PPL: variants seen among roughly 807,000 people sequenced by gnomAD.
PPL encodes periplakin.
In PPL, 198 loss-of-function variants were observed where a neutral mutation model predicts 194.4. The observed-to-expected ratio is 1.02, with a 90% CI of 0.91 to 1.15. PPL has a LOEUF of 1.15. Ranked by LOEUF, PPL falls within the 50% of genes most tolerant of loss-of-function variation. The probability of loss-of-function intolerance (pLI) is 0.00; values close to 1 mark genes in which losing one functional copy is unlikely to be tolerated. For synonymous variants in PPL, 1,220 were observed against 972.4 expected, an observed-to-expected ratio of 1.25 and a Z score of -4.74; for missense variants, 2,885 against 2,294.8, an observed-to-expected ratio of 1.26 and a Z score of -5.25.
In PPL at chr16:4,882,900, C is replaced by T. The variant is rs1013955563; in HGVS notation, c.*484G>A. On this transcript the variant is annotated 3_prime_UTR_variant, in exon 22 of 22. Transcript: ENST00000345988. ...CAGAGTAACTACTGAGGAGGCTTCT[C>T]GGATGGAAAGTTGGTTTTAAGCCAG... The T allele has an allele frequency of 1.1e-4, 19 of 177,310 alleles. No homozygotes were observed. The highest frequency in any genetic ancestry group is 2.0e-4 in the Non-Finnish European group (17 of 84,824). The allele number at this position is 177,310 out of a possible 1,614,324, so 11.0% of individuals were successfully genotyped here.
intron 1 of PPL, among the ~76,000 whole-genome samples, chr16:4,920,349 AAGAAAGAAAGAAAGAAAGAAAG>A (rs2089021560): frequency 2.2e-5 from 1 of 46,082 alleles, no homozygotes; most frequent in Admixed American, 2.3e-4. Context: ...GAGAGAGAGA[AAGAAAGAAAGAAAGAAAGAAAG>A]GACACCTCGG....
intron 1 of PPL, among the ~76,000 whole-genome samples, chr16:4,934,527 T>G (rs1157687874): frequency 6.6e-6 from 1 of 152,038 alleles, no homozygotes; most frequent in African/African-American, 2.4e-5. Flanking sequence ...AAACAAGGCT[T>G]CGAGAGGCTC....
intron 1 of PPL, among the ~76,000 whole-genome samples, chr16:4,931,268 G>A (rs2089221864): frequency 6.6e-6 from 1 of 152,126 alleles, no homozygotes; most frequent in Admixed American, 6.5e-5. Context: ...GGAGGCTGAG[G>A]CATGAGGATT....
rs141531762 is a variant in PPL, at chr16:4,892,130, T to C, written c.1734A>G (p.Pro578=). ...AEGEAFIQAL[P]GSGTTPLLRT... ...TCAGCAGGGGTGTGGTGCCACTGCC[T>C]GGGAGGGCCTGGATGAAGGCTTCGC... The change falls in exon 15 of 22, where the codon CCA becomes CCG. Residue 578 remains proline (P), a synonymous_variant. Transcript: ENST00000345988. The C allele has an allele frequency of 2.2e-5, 35 of 1,613,664 alleles. No homozygotes were observed. In the South Asian group the frequency reaches 3.8e-4, roughly 18 times the overall value.
intron 13 of PPL, 81 bp from the exon 14 acceptor site, chr16:4,893,451 C>T (rs2088358854): frequency 6.3e-7 from 1 of 1,587,670 alleles, no homozygotes; most frequent in African/African-American, 1.3e-5. Context: ...GGCAGCCAGC[C>T]CCCCGCCGTC....
chr16:4,920,816 T>A (rs897593503), intron 1 of PPL, among the ~76,000 whole-genome samples: 4 of 152,194 alleles, frequency 2.6e-5, no homozygotes, highest in African/African-American at 9.6e-5. Flanking sequence ...TTGCCCAGGC[T>A]GGTCTTAAAC....
chr16:4,900,474 C>G (rs949694776), intron 6 of PPL, among the ~76,000 whole-genome samples: 4 of 92,256 alleles, frequency 4.3e-5, no homozygotes, highest in Non-Finnish European at 8.8e-5. Flanking sequence ...GGGTTTTGCT[C>G]TGTTTCCCAG....
intron 4 of PPL, among the ~76,000 whole-genome samples, chr16:4,901,773 C>G (rs1292140793): frequency 1.3e-5 from 2 of 151,010 alleles, no homozygotes; most frequent in Non-Finnish European, 2.9e-5. Flanking sequence ...AGCCCCGTCT[C>G]TATAAAAATA....
intron 1 of PPL, among the ~76,000 whole-genome samples, chr16:4,919,400 C>T (rs569010071): frequency 9.2e-5 from 14 of 152,320 alleles, no homozygotes; most frequent in East Asian, 1.9e-4. Flanking sequence ...AGGAGCTACA[C>T]TGTATTTCTT....
chr16:4,901,197 C>G, intron 4 of PPL, 108 bp from the exon 5 acceptor site: 8 of 1,270,538 alleles, frequency 6.3e-6, no homozygotes, highest in Non-Finnish European at 8.6e-6. Flanking sequence ...CTCTTTTTCA[C>G]GGGGCCCTGC....
chr16:4,919,765 C>A (rs1000445859), intron 1 of PPL, among the ~76,000 whole-genome samples: 2 of 151,900 alleles, frequency 1.3e-5, no homozygotes, highest in African/African-American at 4.8e-5. Flanking sequence ...CTTGTCTCTA[C>A]AAAAAATACA....
chr16:4,901,617 A>G (rs2142365805), intron 4 of PPL, among the ~76,000 whole-genome samples: 1 of 151,944 alleles, frequency 6.6e-6, no homozygotes, highest in South Asian at 2.1e-4. Context: ...TAAGCCTGGG[A>G]AGTTGAGGCT....
At position 4,883,661 on chromosome 16, in the gene PPL, G is replaced by A. The variant is rs147376907; in HGVS notation, c.4994C>T (p.Thr1665Ile). 1.5e-5 allele frequency: 24 copies of A among 1,614,014 alleles called. No homozygotes were observed. Among genetic ancestry groups the A allele is most frequent in the Non-Finnish European group, 1.9e-5 (23 of 1,180,022 alleles). ...TTCCTCCGGGGACAGCTCGCGGCCTGTGTCAGGGTGGATGACTACGATGGA... is the reference window on the plus strand; with the variant it reads ...TTCCTCCGGGGACAGCTCGCGGCCTATGTCAGGGTGGATGACTACGATGGA... ...RRSIVVIHPD[T>I]GRELSPEEAH... Residue 1665 changes from threonine (T) to isoleucine (I), a missense_variant, in exon 22 of 22, where the codon ACA (threonine) becomes ATA (isoleucine). By Grantham distance (89) the Thr-to-Ile change is moderately conservative. Transcript: ENST00000345988. This position sits in a 1 kb window ranked among gnomAD's most constrained non-coding sequence, Gnocchi z 4.8.
At chr16:4,894,249 C>A (rs1393056274) in intron 12 of PPL, among the ~76,000 whole-genome samples, 2 of 152,142 alleles carry the variant, frequency 1.3e-5, no homozygotes, top group Non-Finnish European at 2.9e-5. Flanking sequence ...CGTGAGGGGG[C>A]CAGGACGAAG....
chr16:4,886,041 C>T lies in PPL; in HGVS notation c.2614G>A (p.Glu872Lys). Residue 872 changes from glutamate to lysine, a missense_variant, in exon 22 of 22, where the codon GAA becomes AAA. By Grantham distance (56) the Glu-to-Lys change is moderately conservative. Coordinates refer to ENST00000345988, the MANE Select transcript of PPL (RefSeq NM_002705.5). ...AGGGTCTCATGGGTCACTTCTACTT[C>T]CGGCTGCTGTGATGGAGAAGACAAG... is the stretch of plus-strand genomic sequence containing the variant. Reference protein sequence around the residue: ...FALNLLRQQPEVEVTHETLQR... With the variant: ...FALNLLRQQPKVEVTHETLQR... 6.2e-7 allele frequency: 1 copy of T among 1,613,970 alleles called. No homozygotes were observed. The highest frequency in any genetic ancestry group is 8.5e-7 in the Non-Finnish European group (1 of 1,180,030).
chr16:4,932,765 T>C (rs922396780), intron 1 of PPL, among the ~76,000 whole-genome samples: 1 of 152,046 alleles, frequency 6.6e-6, no homozygotes, highest in South Asian at 2.1e-4. Context: ...TTGGCTGCTA[T>C]GATTTGCCGG....
intron 6 of PPL, among the ~76,000 whole-genome samples, chr16:4,900,119 C>T (rs2088529816): frequency 6.6e-6 from 1 of 152,182 alleles, no homozygotes; most frequent in South Asian, 2.1e-4. Context: ...TATAGCGACA[C>T]AATGCTGCCT....
intron 1 of PPL, among the ~76,000 whole-genome samples, chr16:4,919,065 C>G (rs1052992187): frequency 6.6e-6 from 1 of 152,220 alleles, no homozygotes; most frequent in Non-Finnish European, 1.5e-5. Context: ...AGATATCCCC[C>G]CTCCCCACAC....
At chr16:4,901,917 G>A (rs1027891944) in intron 4 of PPL, among the ~76,000 whole-genome samples, 7 of 151,298 alleles carry the variant, frequency 4.6e-5, no homozygotes, top group African/African-American at 7.3e-5. Flanking sequence ...TCTAGTCTGC[G>A]CGACAGAGTG....
Sources: allele counts gnomAD v4.1 joint callset (sites outside exome capture counted in the v4.1 genomes callset), GRCh38; gene constraint gnomAD v4.1.1; non-coding constraint Gnocchi (gnomAD v3.1); transcripts MANE v1.5; gene names NCBI Gene and HGNC (gene_info 2026-07-23, HGNC 2026-07-21).